Variants in NSMF observed in about 807,000 individuals in gnomAD.
NSMF encodes the protein NMDA receptor synaptonuclear signaling and neuronal migration factor.
NSMF carries 31 observed loss-of-function variants against 71.0 expected under a neutral mutation model. The ratio of observed to expected loss-of-function variants is 0.44; its 90% confidence interval spans 0.33 to 0.59. The LOEUF is 0.59. Among genes scored for constraint, NSMF ranks in the 20% least tolerant of loss-of-function variants. NSMF has a pLI of 0.04. For missense variants in NSMF, 673 were observed against 740.5 expected, an observed-to-expected ratio of 0.91 and a Z score of 1.06; for synonymous variants, 345 against 287.1, an observed-to-expected ratio of 1.20 and a Z score of -2.04.
rs564463059 is a variant in NSMF at position 137,454,453 on chromosome 9, G to A, written c.780-10C>T. On this transcript the variant is annotated splice_polypyrimidine_tract_variant and intron_variant, in intron 6 of 15. Transcript: ENST00000371475. ...GTGTTTGCGGAAGTTCCTGGGGGAG[G>A]AAGCCAGGGGCTGAAGAGGGCCGTG... The A allele has an allele frequency of 6.5e-7, 1 of 1,550,188 alleles. No individual in the cohort carries two copies. Among genetic ancestry groups the A allele is most frequent in the Admixed American group, 2.0e-5 (1 of 50,984 alleles).
At chr9:137,454,327 C>A in intron 7 of NSMF, 64 bp downstream of exon 7, 1 of 1,470,252 alleles carries the variant, frequency 6.8e-7, no homozygotes, top group South Asian at 1.2e-5. Flanking sequence ...CAGCTAGCAG[C>A]AAGCAAAGCC....
At chr9:137,452,864 AGCCAAGGG>A (rs1830609142) in intron 9 of NSMF, 45 bp from the exon 10 acceptor site, 10 of 1,569,050 alleles carry the variant, frequency 6.4e-6, no homozygotes, top group Non-Finnish European at 8.7e-6. Flanking sequence ...CCCATCCAAA[AGCCAAGGG>A]GCTGTGGGAG....
At chr9:137,450,148 C>T in intron 13 of NSMF, 28 bp downstream of exon 13, 1 of 1,608,690 alleles carries the variant, frequency 6.2e-7, no homozygotes. Flanking sequence ...TCCAGCCCTC[C>T]CCGCGCCCAG....
At chr9:137,449,532 C>T (rs1383984444) in intron 15 of NSMF, 41 bp from the exon 16 acceptor site, 1 of 1,611,230 alleles carries the variant, frequency 6.2e-7, no homozygotes, top group Admixed American at 1.7e-5. Context: ...CTGGCCGGCC[C>T]TGGGGATCCC....
Position 137,453,067 on chromosome 9 carries a change from G to A in NSMF, c.1036C>T (p.Pro346Ser). 6.2e-7 allele frequency: 1 copy of A among 1,612,534 alleles called. No individual in the cohort carries two copies. The highest frequency in any genetic ancestry group is 8.5e-7 in the Non-Finnish European group (1 of 1,179,902). ...GGGCTGGGCCTCACCATGACCTTTG[G>A]TGGCACGAAGCCTTCGGTGTCGCAG... ...VACDTEGFVPPKVMLISSKVP... is the reference protein window; with the variant it reads ...VACDTEGFVPSKVMLISSKVP... Residue 346 changes from proline to serine, a missense_variant, in exon 9 of 16, where the codon CCA (proline) becomes TCA (serine). By Grantham distance (74) the Pro-to-Ser change is moderately conservative. Transcript: ENST00000371475. The surrounding 1 kb of genome is among the most constrained non-coding windows in gnomAD (Gnocchi z 4.5).
rs1207482204 is a variant in NSMF at position 137,452,837 on chromosome 9, T to A, written c.1048-18A>T. ...GAAATGAGCTGCGGAGACAAAGAGCTGCTCAGGGGCCCCAGGCCCATCCAA... is the reference window on the plus strand; with the variant it reads ...GAAATGAGCTGCGGAGACAAAGAGCAGCTCAGGGGCCCCAGGCCCATCCAA... On this transcript the variant is annotated intron_variant, in intron 9 of 15. Transcript: ENST00000371475. 1.3e-6 allele frequency: 2 copies of A among 1,589,626 alleles called. No individual in the cohort carries two copies. The highest frequency in any genetic ancestry group is 1.7e-6 in the Non-Finnish European group (2 of 1,168,960).
intron 1 of NSMF, 84 bp downstream of exon 1, chr9:137,458,948 G>A (rs541965056): frequency 4.6e-6 from 5 of 1,096,840 alleles, no homozygotes; most frequent in African/African-American, 3.3e-5. Context: ...CCGGGAGCCC[G>A]GGGAGCACCG....
In NSMF at chr9:137,449,973, C is replaced by T. The variant is rs772065502; in HGVS notation, c.1369G>A (p.Val457Ile). 4.0e-5 allele frequency: 64 copies of T among 1,613,106 alleles called. No individual in the cohort carries two copies. In the South Asian group the frequency reaches 4.3e-4, roughly 11 times the overall value. ...ATGTAGCAGCCCATGATGTGGATGA[C>T]GTTCGGCTCTGGGTTCACTTTGCTC... is the stretch of plus-strand genomic sequence containing the variant. ...LMSKVNPEPN[V>I]IHIMGCYILG... The change falls in exon 14 of 16, where the codon GTC becomes ATC. Residue 457 changes from valine to isoleucine, a missense_variant. Coordinates refer to ENST00000371475, the MANE Select transcript of NSMF (RefSeq NM_001130969.3).
chr9:137,452,238 T>A, intron 12 of NSMF, 127 bp downstream of exon 12: 29 of 331,940 alleles, frequency 8.7e-5, no homozygotes, highest in Middle Eastern at 6.1e-4. Context: ...CACAAACACC[T>A]CTTCCCCTTG....
At chr9:137,454,347 C>G in intron 7 of NSMF, 44 bp downstream of exon 7, 1 of 1,537,452 alleles carries the variant, frequency 6.5e-7, no homozygotes, top group Non-Finnish European at 8.8e-7. Flanking sequence ...CCCAACCAGC[C>G]AAGCGCAACG....
At chr9:137,452,961 G>A (rs1830614859) in intron 9 of NSMF, 95 bp downstream of exon 9, 1 of 1,587,602 alleles carries the variant, frequency 6.3e-7, no homozygotes, top group African/African-American at 1.3e-5. Context: ...GGCAGCTGGA[G>A]AAGGCTGCGT....
rs759288616 is a variant in NSMF at position 137,455,679 on chromosome 9, T to C, written c.705-45A>G. 13 of 1,549,874 alleles carry C rather than the reference T, an allele frequency of 8.4e-6. No homozygotes were observed. In the African/African-American group the frequency reaches 1.8e-4, roughly 21 times the overall value. ...GGATGGCGTGAGAGAGAAGACACAG[T>C]GAGCTCAACCCCGGGCCTCCCCTCA... On this transcript the variant is annotated intron_variant, in intron 4 of 15. Coordinates refer to ENST00000371475, the MANE Select transcript of NSMF (RefSeq NM_001130969.3).
intron 5 of NSMF, 103 bp downstream of exon 5, chr9:137,455,526 C>T (rs1202023629): frequency 1.4e-6 from 2 of 1,389,194 alleles, no homozygotes; most frequent in African/African-American, 2.9e-5. Context: ...GCGGCACTCC[C>T]TCAAGACCCA....
intron 10 of NSMF, 26 bp downstream of exon 10, chr9:137,452,710 G>A (rs1264888745): frequency 1.9e-6 from 3 of 1,603,096 alleles, no homozygotes; most frequent in Middle Eastern, 1.7e-4. Context: ...GGCATCTGTT[G>A]GGGGCAGGCC....
At chr9:137,449,889 A>T in intron 14 of NSMF, 34 bp downstream of exon 14, 1 of 1,568,296 alleles carries the variant, frequency 6.4e-7, no homozygotes, top group Non-Finnish European at 8.8e-7. Flanking sequence ...GGGGGTTTCC[A>T]GAGGTCTGGG....
chr9:137,458,196 C>A (rs1029165795), intron 2 of NSMF, among the ~76,000 whole-genome samples: 1 of 152,180 alleles, frequency 6.6e-6, no homozygotes, highest in East Asian at 1.9e-4. Flanking sequence ...GTGCCAACTT[C>A]CCCCTCCCCC....
In NSMF at chr9:137,453,793, AAGCTCCGCTCGCGCCGCTC is replaced by A; in HGVS notation, c.841_859del (p.Glu281SerfsTer11). The A allele has an allele frequency of 6.3e-7, 1 of 1,598,418 alleles. No homozygotes were observed. Among genetic ancestry groups the A allele is most frequent in the Non-Finnish European group, 8.5e-7 (1 of 1,177,938 alleles). On this transcript the variant is annotated frameshift_variant, in exon 8 of 16. Transcript: ENST00000371475. LOFTEE classifies it high-confidence loss of function. This position sits in a 1 kb window ranked among gnomAD's most constrained non-coding sequence, Gnocchi z 4.5. The stretch of plus-strand genomic sequence containing the variant: ...GGTGGGGTCGCTCCAGGACCGGCTG[AAGCTCCGCTCGCGCCGCTC>A]AGCGAACGCTGCAGAGAGCAAAACC...
At chr9:137,455,723 CA>C in intron 4 of NSMF, 89 bp from the exon 5 acceptor site, 1 of 1,420,232 alleles carries the variant, frequency 7.0e-7, no homozygotes, top group East Asian at 2.5e-5. Context: ...CCGGTCCCTA[CA>C]GTTCCCTTCT....
intron 12 of NSMF, 75 bp from the exon 13 acceptor site, chr9:137,450,330 G>A (rs913341091): frequency 4.8e-6 from 6 of 1,255,104 alleles, no homozygotes; most frequent in Non-Finnish European, 5.8e-6. Flanking sequence ...ACGCACATGC[G>A]TGGGAGGTAG....
Sources: allele counts gnomAD v4.1 joint callset (sites outside exome capture counted in the v4.1 genomes callset), GRCh38; gene constraint gnomAD v4.1.1; non-coding constraint Gnocchi (gnomAD v3.1); transcripts MANE v1.5; gene names NCBI Gene and HGNC (gene_info 2026-07-23, HGNC 2026-07-21).